The following ZNF600 variants were observed in gnomAD, a reference collection of about 807,000 sequenced individuals.
ZNF600 encodes the protein zinc finger protein 600.
A neutral mutation model predicts 7.3 loss-of-function variants in ZNF600; 4 were observed. The ratio of observed to expected loss-of-function variants is 0.55; its 90% CI spans 0.27 to 1.25. ZNF600 has a LOEUF of 1.25. ZNF600 is among the 50% of genes most tolerant of loss of function. ZNF600 has a pLI of 0.12. For synonymous variants in ZNF600, 290 were observed against 308.9 expected, an observed-to-expected ratio of 0.94 and a Z score of 0.64; for missense variants, 911 against 922.1, an observed-to-expected ratio of 0.99 and a Z score of 0.16.
At chr19:52,781,838 G>A (rs986256662) in intron 1 of ZNF600, among the ~76,000 whole-genome samples, 3 of 151,738 alleles carry the variant, frequency 2.0e-5, no homozygotes, top group Non-Finnish European at 4.4e-5. Context: ...CGAAGTGGGT[G>A]GATCACAAGG....
In ZNF600 at chr19:52,767,365, GC is replaced by G; in HGVS notation, c.597del (p.Arg199SerfsTer28). The G allele has an allele frequency of 3.1e-6, 5 of 1,614,016 alleles. No homozygotes were observed. The highest frequency in any genetic ancestry group is 4.2e-6 in the Non-Finnish European group (5 of 1,179,968). On this transcript the variant is annotated frameshift_variant, in exon 4 of 4. Transcript: ENST00000648973. LOFTEE classifies it low-confidence loss of function (END_TRUNC). ...TAGTTATTAGAAATATGGATTTGGG[GC>G]CTAGGAGAAATTCTTTGGGATGTTG...
chr19:52,793,816 AC>A, the ZNF600 span, among the ~76,000 whole-genome samples: 1 of 140,320 alleles, frequency 7.1e-6, no homozygotes, highest in Admixed American at 7.2e-5. Context: ...ACACACACAC[AC>A]AAAAGTGATG....
the ZNF600 span, among the ~76,000 whole-genome samples, chr19:52,823,764 TA>T: frequency 6.6e-6 from 1 of 152,028 alleles, no homozygotes; most frequent in Non-Finnish European, 1.5e-5. Flanking sequence ...AGTTACTTTC[TA>T]AAAAATACCA....
At chr19:52,818,283 A>G in the ZNF600 span, among the ~76,000 whole-genome samples, 1,346 of 152,090 alleles carry the variant, frequency 8.9e-3, 24 homozygotes, top group African/African-American at 0.031. Context: ...AAATACAAAA[A>G]CTTAGCCAGA....
the ZNF600 span, among the ~76,000 whole-genome samples, chr19:52,791,979 C>A: frequency 6.6e-6 from 1 of 152,254 alleles, no homozygotes; most frequent in African/African-American, 2.4e-5. Context: ...AGATGACAAG[C>A]ACCTGCGCCA....
chr19:52,793,963 A>T, the ZNF600 span, among the ~76,000 whole-genome samples: 9 of 152,246 alleles, frequency 5.9e-5, no homozygotes, highest in African/African-American at 1.4e-4. Context: ...AGAAGTACAC[A>T]GTCACCCTCA....
intron 2 of ZNF600, among the ~76,000 whole-genome samples, chr19:52,777,427 G>A (rs1395116432): frequency 1.3e-5 from 2 of 152,092 alleles, no homozygotes; most frequent in Non-Finnish European, 2.9e-5. Context: ...TGGAATGCCA[G>A]CAATTTGGGA....
the ZNF600 span, among the ~76,000 whole-genome samples, chr19:52,802,071 G>C: frequency 1.3e-5 from 2 of 152,078 alleles, no homozygotes; most frequent in South Asian, 2.1e-4. Flanking sequence ...AGCGTATTTA[G>C]TGTATACAAA....
At chr19:52,766,962 T>C (rs751263547) in exon 4 of ZNF600, 4 of 1,614,040 alleles carry the variant, frequency 2.5e-6, no homozygotes, top group African/African-American at 2.7e-5. Flanking sequence ...ATGAATTGCC[T>C]TATGAATTAC....
chr19:52,812,774 A>G, the ZNF600 span, among the ~76,000 whole-genome samples: 3 of 150,688 alleles, frequency 2.0e-5, no homozygotes, highest in Non-Finnish European at 4.4e-5. Context: ...AAAAAAAAAA[A>G]AAAAAAAAAA....
intron 1 of ZNF600, among the ~76,000 whole-genome samples, chr19:52,782,887 T>A (rs1038535150): frequency 1.1e-4 from 17 of 150,028 alleles, no homozygotes; most frequent in Non-Finnish European, 2.1e-4. Context: ...AAATAAAAAA[T>A]AAATAAATAA....
chr19:52,819,553 C>G, the ZNF600 span, among the ~76,000 whole-genome samples: 10 of 74,840 alleles, frequency 1.3e-4, 4 homozygotes, highest in African/African-American at 2.5e-4. Flanking sequence ...CTTTTCTGGT[C>G]TAGCCCCTCA....
chr19:52,797,560 C>T, the ZNF600 span: 2 of 152,244 alleles, frequency 1.3e-5, no homozygotes, highest in Non-Finnish European at 2.9e-5. Flanking sequence ...AATTTCCATA[C>T]ATTAACATTA....
the ZNF600 span, chr19:52,801,424 C>G: frequency 1.2e-6 from 2 of 1,614,168 alleles, no homozygotes; most frequent in South Asian, 2.2e-5. Flanking sequence ...AAGCTTAATC[C>G]AAGCTGATCT....
chr19:52,809,261 T>TGG, the ZNF600 span, among the ~76,000 whole-genome samples: 6 of 152,114 alleles, frequency 3.9e-5, no homozygotes, highest in Non-Finnish European at 8.8e-5. Context: ...AATGCGGACG[T>TGG]GCACAGAGGC....
chr19:52,810,081 C>T, the ZNF600 span: 119 of 762,526 alleles, frequency 1.6e-4, 3 homozygotes, highest in East Asian at 3.0e-3. Flanking sequence ...ACCTGGGCCT[C>T]GTTCAGGAGC....
the ZNF600 span, among the ~76,000 whole-genome samples, chr19:52,812,744 A>AT: frequency 1.7e-5 from 2 of 118,558 alleles, no homozygotes; most frequent in Admixed American, 8.8e-5. Flanking sequence ...TCTGCGAGAA[A>AT]CACCCAAGAA....
the ZNF600 span, among the ~76,000 whole-genome samples, chr19:52,818,355 T>C: frequency 2.2e-4 from 33 of 152,248 alleles, 1 homozygote; most frequent in African/African-American, 6.3e-4. Context: ...GGTGGAAGGA[T>C]CACTTGAGCT....
the ZNF600 span, among the ~76,000 whole-genome samples, chr19:52,827,647 C>G: frequency 0.11 from 16,931 of 151,634 alleles, 1,166 homozygotes; most frequent in African/African-American, 0.18. Context: ...CAGGTTCATG[C>G]CATTTTTCTG....
Sources: allele counts gnomAD v4.1 joint callset (sites outside exome capture counted in the v4.1 genomes callset), GRCh38; gene constraint gnomAD v4.1.1; transcripts MANE v1.5; gene names NCBI Gene and HGNC (gene_info 2026-07-23, HGNC 2026-07-21).